PHKA1: variants seen among roughly 807,000 people sequenced by gnomAD.
The protein encoded by PHKA1 is phosphorylase kinase regulatory subunit alpha 1.
In PHKA1, 60 loss-of-function variants were observed where a neutral mutation model predicts 110.2. The ratio of observed to expected loss-of-function variants is 0.54; its 90% CI spans 0.44 to 0.68. PHKA1 has a LOEUF of 0.68. Ranked by LOEUF, PHKA1 falls within the 30% of genes least tolerant of loss-of-function variation. The probability of loss-of-function intolerance (pLI) is 0.00; values close to 1 mark genes in which losing one functional copy is unlikely to be tolerated. For synonymous variants in PHKA1, 316 were observed against 333.6 expected, an observed-to-expected ratio of 0.95 and a Z score of 0.58; for missense variants, 801 against 942.5, an observed-to-expected ratio of 0.85 and a Z score of 1.97.
intron 7 of PHKA1, among the ~76,000 whole-genome samples, chrX:72,666,556 C>T (rs1427283804): frequency 8.9e-6 from 1 of 111,821 alleles, no homozygotes; most frequent in Admixed American, 9.5e-5. Context: ...AGAAAACCAG[C>T]AATTTCTGAA....
intron 4 of PHKA1, among the ~76,000 whole-genome samples, chrX:72,688,513 C>T (rs898979677): frequency 4.5e-5 from 5 of 111,967 alleles, no homozygotes; most frequent in Non-Finnish European, 9.4e-5. Context: ...AAATGCCAGA[C>T]ATTTCTACCA....
At chrX:72,609,584 T>G (rs1392172362) in intron 23 of PHKA1, 40 bp downstream of exon 23, 1 of 952,824 alleles carries the variant, frequency 1.0e-6, no homozygotes, top group Non-Finnish European at 1.5e-6. Context: ...TCCACACCAC[T>G]CCTTCTCAGA....
At chrX:72,710,922 C>T (rs1339349190) in intron 2 of PHKA1, among the ~76,000 whole-genome samples, 1 of 104,854 alleles carries the variant, frequency 9.5e-6, no homozygotes, top group African/African-American at 3.5e-5. Flanking sequence ...AGTGCAGTGG[C>T]GCGATCTCGG....
intron 2 of PHKA1, chrX:72,712,486 TAG>T (rs1195339510): frequency 1.7e-5 from 6 of 361,590 alleles, no homozygotes; most frequent in Admixed American, 4.5e-5. Flanking sequence ...TAGATTAACT[TAG>T]AGAGTCATGC....
rs1447568936 is a variant in PHKA1, at chrX:72,676,173, C to A, written c.538-23G>T. On this transcript the variant is annotated intron_variant, in intron 5 of 31. Transcript: ENST00000373542. ...GTCCTGGCATAAAATAACCAATATA[C>A]AATTAGCAAGTCATAACTACTAAAT... 4 of 1,132,495 alleles carry A rather than the reference C, an allele frequency of 3.5e-6. No individual in the cohort carries two copies. The East Asian group carries it at 1.2e-4, about 34-fold the overall frequency. 93.3% of individuals were successfully genotyped at this position (1,132,495 alleles called of 1,213,427 possible).
intron 29 of PHKA1, among the ~76,000 whole-genome samples, chrX:72,592,607 T>C (rs963017383): frequency 1.8e-5 from 2 of 112,591 alleles, no homozygotes; most frequent in Admixed American, 9.4e-5. Flanking sequence ...ATTTATTTAG[T>C]AGTTTTCATC....
chrX:72,641,007 T>C (rs2053290224), intron 14 of PHKA1, among the ~76,000 whole-genome samples: 1 of 111,053 alleles, frequency 9.0e-6, no homozygotes, highest in Non-Finnish European at 1.9e-5. Flanking sequence ...CAAGCAATTG[T>C]AGACACATAG....
chrX:72,587,267 G>T (rs1392031359), intron 29 of PHKA1, among the ~76,000 whole-genome samples: 1 of 111,530 alleles, frequency 9.0e-6, no homozygotes, highest in African/African-American at 3.3e-5. Flanking sequence ...GAAGAGAGTG[G>T]GGGCCGATAT....
At chrX:72,645,607 T>G (rs918030782) in intron 13 of PHKA1, among the ~76,000 whole-genome samples, 1 of 111,864 alleles carries the variant, frequency 8.9e-6, no homozygotes, top group Admixed American at 9.5e-5. Flanking sequence ...AGAGGAAGAA[T>G]GATAGGGGGC....
chrX:72,627,181 A>AT, intron 16 of PHKA1, 132 bp from the exon 17 acceptor site: 1 of 518,976 alleles, frequency 1.9e-6, no homozygotes, highest in Non-Finnish European at 3.4e-6. Flanking sequence ...GACCATCCTG[A>AT]TTTTAACAAT....
intron 5 of PHKA1, among the ~76,000 whole-genome samples, chrX:72,679,350 G>T (rs181355847): frequency 1.1e-4 from 12 of 108,626 alleles, no homozygotes; most frequent in Non-Finnish European, 1.9e-4. Flanking sequence ...AACAAAGCTC[G>T]GGAATATTTA....
rs142274822 is a variant in PHKA1, at chrX:72,589,651, C to G, written c.3243+3453G>C. Reference sequence around the variant, plus strand: ...GGAAGTCAAATTGTCCCTGTTTGCACATGACATGATTGTATATTTAGAAAA... The same window carrying G: ...GGAAGTCAAATTGTCCCTGTTTGCAGATGACATGATTGTATATTTAGAAAA... On this transcript the variant is annotated intron_variant, in intron 29 of 31. Coordinates refer to ENST00000373542, the MANE Select transcript of PHKA1 (RefSeq NM_002637.4). Among the ~76,000 whole-genome samples, 3,342 of 106,850 alleles carry G rather than the reference C, an allele frequency of 0.031. 477 individuals are homozygous for G. In the East Asian group the frequency reaches 0.51, roughly 16 times the overall value. The allele number at this position is 106,850 out of a possible 115,157, so 92.8% of individuals were successfully genotyped here.
intron 29 of PHKA1, among the ~76,000 whole-genome samples, chrX:72,592,359 T>C (rs1356229702): frequency 1.8e-5 from 2 of 112,362 alleles, no homozygotes; most frequent in African/African-American, 6.5e-5. Flanking sequence ...GGGTTTTAAG[T>C]CCTGGATGAA....
In PHKA1 at chrX:72,605,404, C is replaced by T. The variant is rs2052714369; in HGVS notation, c.2686-4G>A. On this transcript the variant is annotated splice_region_variant and splice_polypyrimidine_tract_variant and intron_variant, in intron 24 of 31. Coordinates refer to ENST00000373542, the MANE Select transcript of PHKA1 (RefSeq NM_002637.4). ...TGGCTAGATATACCATTATTTCCTGCACACAGAGTAGATATAGACAAAAAT... is the reference window on the plus strand; with the variant it reads ...TGGCTAGATATACCATTATTTCCTGTACACAGAGTAGATATAGACAAAAAT... The T allele has an allele frequency of 1.7e-6, 2 of 1,206,204 alleles. No individual in the cohort carries two copies. The highest frequency in any genetic ancestry group is 2.2e-5 in the Admixed American group (1 of 45,724).
At chrX:72,616,697 A>G (rs1306863743) in intron 21 of PHKA1, among the ~76,000 whole-genome samples, 1 of 112,039 alleles carries the variant, frequency 8.9e-6, no homozygotes, top group Non-Finnish European at 1.9e-5. Context: ...AAGCTACAGA[A>G]TACACATTAT....
chrX:72,582,156 C>A (rs1362408228), intron 31 of PHKA1, among the ~76,000 whole-genome samples: 1 of 111,246 alleles, frequency 9.0e-6, no homozygotes, highest in African/African-American at 3.3e-5. Flanking sequence ...AAGCATAAAG[C>A]CTCCTGAGTT....
intron 28 of PHKA1, among the ~76,000 whole-genome samples, chrX:72,598,729 T>G (rs781881759): frequency 2.9e-4 from 33 of 112,144 alleles, no homozygotes; most frequent in Admixed American, 1.1e-3. Context: ...AAACTTATAC[T>G]AAGTAAAGGA....
chrX:72,684,657 T>G, intron 4 of PHKA1, 77 bp from the exon 5 acceptor site: 1 of 625,210 alleles, frequency 1.6e-6, no homozygotes, highest in Non-Finnish European at 2.7e-6. Context: ...AGTGACTAAC[T>G]GATCTCACTA....
chrX:72,583,557 T>A (rs782690571), intron 30 of PHKA1, among the ~76,000 whole-genome samples: 7 of 112,051 alleles, frequency 6.2e-5, no homozygotes, highest in African/African-American at 2.3e-4. Flanking sequence ...CAAGATGCTA[T>A]CTGAAACAAC....
Sources: gnomAD v4.1 joint callset for allele counts (sites outside exome capture counted in the v4.1 genomes callset) on GRCh38, gnomAD v4.1.1 for gene constraint, MANE v1.5 for transcripts, NCBI Gene and HGNC (gene_info 2026-07-23, HGNC 2026-07-21) for gene names.